SPHKAP: variants seen among roughly 807,000 people sequenced by gnomAD.
SPHKAP encodes SPHK1 interactor, AKAP domain containing.
In SPHKAP, 67 loss-of-function variants were observed where a neutral mutation model predicts 137.5. The observed-to-expected ratio is 0.49, with a 90% CI of 0.40 to 0.60. The LOEUF (loss-of-function observed/expected upper bound fraction) is 0.60. Ranked by LOEUF, SPHKAP falls within the 20% of genes least tolerant of loss-of-function variation. The pLI is 0.00. For missense variants in SPHKAP, 2,097 were observed against 2,069.3 expected (o/e 1.01, Z -0.26); for synonymous variants, 813 against 785.3 (o/e 1.04, Z -0.59).
chr2:228,110,644 T>C (rs552898692), intron 2 of SPHKAP, among the ~76,000 whole-genome samples: 2 of 152,280 alleles, frequency 1.3e-5, no homozygotes, highest in Admixed American at 1.3e-4. Flanking sequence ...TTCTTTTTGC[T>C]CTTGTTGTCT....
chr2:228,106,841 G>A (rs1698357728), intron 3 of SPHKAP, among the ~76,000 whole-genome samples: 1 of 152,156 alleles, frequency 6.6e-6, no homozygotes, highest in South Asian at 2.1e-4. Flanking sequence ...ATTAAGAAAA[G>A]CAACTACAGG....
intron 6 of SPHKAP, 81 bp downstream of exon 6, chr2:228,021,630 G>GC: frequency 6.6e-7 from 1 of 1,510,132 alleles, no homozygotes; most frequent in East Asian, 2.3e-5. Context: ...AACTGATGTG[G>GC]CCTGGAACTT....
intron 3 of SPHKAP, among the ~76,000 whole-genome samples, chr2:228,090,136 T>A (rs995545914): frequency 1.3e-5 from 2 of 152,050 alleles, no homozygotes; most frequent in African/African-American, 4.8e-5. Flanking sequence ...CCTGTGAGAG[T>A]AGCCATGGGG....
intron 1 of SPHKAP, among the ~76,000 whole-genome samples, chr2:228,177,059 A>G (rs1700765656): frequency 6.6e-6 from 1 of 152,160 alleles, no homozygotes; most frequent in African/African-American, 2.4e-5. Flanking sequence ...ATATATCCTA[A>G]TCATTCATTT....
intron 1 of SPHKAP, among the ~76,000 whole-genome samples, chr2:228,154,713 T>C (rs968441248): frequency 5.2e-5 from 5 of 95,584 alleles, no homozygotes; most frequent in African/African-American, 1.8e-4. Context: ...CATGCCTGGC[T>C]AATTTTTTTT....
At position 228,019,799 on chromosome 2, in the gene SPHKAP, T is replaced by A; in HGVS notation, c.1055A>T (p.Asp352Val). 1.2e-6 allele frequency: 2 copies of A among 1,614,144 alleles called. No individual in the cohort carries two copies. The highest frequency in any genetic ancestry group is 8.5e-7 in the Non-Finnish European group (1 of 1,180,014). Residue 352 changes from aspartate to valine, a missense_variant, in exon 7 of 12, where the codon GAT (aspartate) becomes GTT (valine). By Grantham distance (152) the Asp-to-Val change is radical. Coordinates refer to ENST00000392056, the MANE Select transcript of SPHKAP (RefSeq NM_001142644.2). ...TGCCACAGCACATGCAGAAGGTACA[T>A]CTTTATCCATCATGGAGAAATAAGC... The part of the protein sequence containing the change: ...KDAYFSMMDK[D>V]VPSACAVAEQ...
rs978154531 is a variant in SPHKAP at position 228,181,055 on chromosome 2, C to T, written c.32+512G>A. Among the ~76,000 whole-genome samples the T allele has an allele frequency of 1.3e-5, 2 of 151,966 alleles. No individual in the cohort carries two copies. Among genetic ancestry groups the T allele is most frequent in the Non-Finnish European group, 2.9e-5 (2 of 68,006 alleles). On this transcript the variant is annotated intron_variant, in intron 1 of 11. Transcript: ENST00000392056. The surrounding 1 kb of genome is among the most constrained non-coding windows in gnomAD (Gnocchi z 4.3). ...TGTTTTCTGCCCTGTCTTAAGATCT[C>T]GCTTTGGGGGCAGTCTAGGTGTCGG...
intron 3 of SPHKAP, among the ~76,000 whole-genome samples, chr2:228,040,365 C>G (rs1695788949): frequency 6.6e-6 from 1 of 152,132 alleles, no homozygotes; most frequent in African/African-American, 2.4e-5. Context: ...CCAAAATTAC[C>G]TTCTAAAGAA....
intron 3 of SPHKAP, among the ~76,000 whole-genome samples, chr2:228,037,040 TAAATA>T (rs1695645517): frequency 6.6e-6 from 1 of 151,900 alleles, no homozygotes; most frequent in African/African-American, 2.4e-5. Flanking sequence ...TAATAATAAA[TAAATA>T]AATAGATAAA....
intron 3 of SPHKAP, among the ~76,000 whole-genome samples, chr2:228,084,779 G>A (rs550529995): frequency 6.6e-6 from 1 of 152,252 alleles, no homozygotes; most frequent in Non-Finnish European, 1.5e-5. Flanking sequence ...AGGGATCTCT[G>A]CTTAGGTGAA....
At chr2:228,131,486 C>CTTT (rs35512181) in intron 2 of SPHKAP, among the ~76,000 whole-genome samples, 2 of 144,558 alleles carry the variant, frequency 1.4e-5, no homozygotes, top group Admixed American at 6.9e-5. Context: ...AGCATAGTTT[C>CTTT]TTTTTTTTTT....
intron 1 of SPHKAP, among the ~76,000 whole-genome samples, chr2:228,151,250 A>G (rs1699919890): frequency 2.0e-5 from 3 of 151,880 alleles, no homozygotes; most frequent in Admixed American, 1.3e-4. Context: ...ATGTCCCTAC[A>G]AAGGACATGA....
Position 228,110,569 on chromosome 2 carries a change from C to T in SPHKAP, c.139-1630G>A, listed in dbSNP as rs923424596. 7.2e-5 allele frequency among the ~76,000 whole-genome samples: 11 copies of T among 152,146 alleles called. No homozygotes were observed. In the East Asian group the frequency reaches 2.1e-3, roughly 29 times the overall value. On this transcript the variant is annotated intron_variant, in intron 2 of 11. Coordinates refer to ENST00000392056, the MANE Select transcript of SPHKAP (RefSeq NM_001142644.2). ...AGCATGGGCTAGGACCTATCAGGGT[C>T]CCTGAAATCTTTCAGAGAGTGCAGC...
chr2:228,031,033 G>A (rs557074953), intron 3 of SPHKAP, among the ~76,000 whole-genome samples: 2 of 152,308 alleles, frequency 1.3e-5, no homozygotes, highest in African/African-American at 4.8e-5. Context: ...GAGAGTGGAT[G>A]CAGCGCACCG....
chr2:228,013,212 A>G (rs1389964378), intron 7 of SPHKAP, among the ~76,000 whole-genome samples: 1 of 152,100 alleles, frequency 6.6e-6, no homozygotes, highest in African/African-American at 2.4e-5. Context: ...AATCCTGGAA[A>G]TCCTCGTTTT....
chr2:228,169,619 C>G (rs1046347014), intron 1 of SPHKAP: 1 of 151,994 alleles, frequency 6.6e-6, no homozygotes, highest in Non-Finnish European at 1.5e-5. Context: ...CCCAAGAGCT[C>G]TGATGAAGTT....
chr2:228,161,045 G>A (rs1002437443), intron 1 of SPHKAP, among the ~76,000 whole-genome samples: 4 of 152,230 alleles, frequency 2.6e-5, no homozygotes, highest in African/African-American at 9.6e-5. Context: ...TAAGGTAGGT[G>A]TTAAACAAAT....
chr2:228,094,943 T>C (rs1389493445), intron 3 of SPHKAP, among the ~76,000 whole-genome samples: 1 of 152,140 alleles, frequency 6.6e-6, no homozygotes, highest in Non-Finnish European at 1.5e-5. Context: ...TTTTAAATAT[T>C]GAGAAGAAAT....
chr2:228,018,185 G>A lies in SPHKAP; in HGVS notation c.2669C>T (p.Ala890Val). ...TTGAACTTCGTTGATGCGAGATGTG[G>A]CACAGTTGTACTTTTCTTGGGTGTT... ...HPNTQEKYNCATSRINEVQVN... is the reference protein window; with the variant it reads ...HPNTQEKYNCVTSRINEVQVN... The change falls in exon 7 of 12, where the codon GCC becomes GTC. Residue 890 changes from alanine (A) to valine (V), a missense_variant. By Grantham distance (64) the Ala-to-Val change is moderately conservative (BLOSUM62 0). Transcript: ENST00000392056. 9.3e-6 allele frequency: 15 copies of A among 1,614,134 alleles called. No homozygotes were observed. Among genetic ancestry groups the A allele is most frequent in the Non-Finnish European group, 1.3e-5 (15 of 1,180,020 alleles).
Sources: allele counts gnomAD v4.1 joint callset (sites outside exome capture counted in the v4.1 genomes callset), GRCh38; gene constraint gnomAD v4.1.1; non-coding constraint Gnocchi (gnomAD v3.1); transcripts MANE v1.5; gene names NCBI Gene and HGNC (gene_info 2026-07-23, HGNC 2026-07-21).